Variants in SGCD observed in about 807,000 individuals in gnomAD.
The protein encoded by SGCD is delta-sarcoglycan.
Under a neutral mutation model 36.6 loss-of-function variants are expected in SGCD, and 18 were observed. The ratio of observed to expected loss-of-function variants is 0.49; its 90% CI spans 0.34 to 0.73. SGCD has a LOEUF of 0.73. Ranked by LOEUF, SGCD falls within the 30% of genes least tolerant of loss-of-function variation. The pLI is 0.01. For missense variants in SGCD, 387 were observed against 346.7 expected (o/e 1.12, Z -0.92); for synonymous variants, 133 against 130.6 (o/e 1.02, Z -0.12).
intron 3 of SGCD, among the ~76,000 whole-genome samples, chr5:156,134,715 G>T (rs1762414353): frequency 7.3e-6 from 1 of 136,758 alleles, no homozygotes; most frequent in Non-Finnish European, 1.6e-5. Flanking sequence ...GGAGGGGGGA[G>T]GGATAGCATT....
the SGCD span, among the ~76,000 whole-genome samples, chr5:155,736,225 A>T: frequency 6.6e-6 from 1 of 152,198 alleles, no homozygotes. Flanking sequence ...CTTTGAAAAC[A>T]TTATAATCAG....
chr5:156,177,753 G>A (rs984416712), intron 3 of SGCD, among the ~76,000 whole-genome samples: 1 of 152,124 alleles, frequency 6.6e-6, no homozygotes, highest in Non-Finnish European at 1.5e-5. Context: ...CAGTCTCCCA[G>A]TCCTACAAAA....
chr5:156,252,252 T>A (rs576923653), intron 3 of SGCD, among the ~76,000 whole-genome samples: 1 of 152,178 alleles, frequency 6.6e-6, no homozygotes, highest in East Asian at 1.9e-4. Flanking sequence ...TAATTTTGTA[T>A]TTTTAGTAGA....
At chr5:156,384,429 T>A (rs1771164427) in intron 3 of SGCD, among the ~76,000 whole-genome samples, 1 of 152,212 alleles carries the variant, frequency 6.6e-6, no homozygotes, top group South Asian at 2.1e-4. Context: ...TAATGTGATT[T>A]CTTGGTGACT....
chr5:156,701,810 T>C (rs998031223), intron 7 of SGCD, among the ~76,000 whole-genome samples: 11 of 152,290 alleles, frequency 7.2e-5, no homozygotes, highest in African/African-American at 2.6e-4. Context: ...ATAACCAATA[T>C]TATAATGTAT....
rs149786541 is a variant in SGCD, at chr5:156,508,774, A to G, written c.294+72A>G. ...TAAATCTGGAGGAATTGATCTTGCTATCAGCTGAGTACAGAGAATTGGGGT... is the reference window on the plus strand; with the variant it reads ...TAAATCTGGAGGAATTGATCTTGCTGTCAGCTGAGTACAGAGAATTGGGGT... On this transcript the variant is annotated intron_variant, in intron 4 of 8. Transcript: ENST00000337851. The G allele has an allele frequency of 2.3e-4, 205 of 887,166 alleles. 1 individual carries two copies. In the African/African-American group the frequency reaches 3.2e-3, roughly 14 times the overall value. The allele number at this position is 887,166 out of a possible 1,614,324, so 55.0% of individuals were successfully genotyped here.
intron 3 of SGCD, among the ~76,000 whole-genome samples, chr5:156,162,423 C>A (rs932245025): frequency 6.6e-6 from 1 of 151,438 alleles, no homozygotes; most frequent in Non-Finnish European, 1.5e-5. Context: ...GGAGGTTGTT[C>A]TGCAGTGTGG....
chr5:156,304,581 A>G (rs531404837), intron 3 of SGCD, among the ~76,000 whole-genome samples: 3 of 152,288 alleles, frequency 2.0e-5, no homozygotes, highest in Admixed American at 1.3e-4. Flanking sequence ...GCAGTATGAA[A>G]ATGGACTAAT....
chr5:155,771,612 A>G, the SGCD span, among the ~76,000 whole-genome samples: 2 of 151,860 alleles, frequency 1.3e-5, no homozygotes, highest in Non-Finnish European at 2.9e-5. Flanking sequence ...TTTAGTAGAG[A>G]TGGGGTTTCA....
chr5:156,268,930 T>C (rs1023677992), intron 3 of SGCD, among the ~76,000 whole-genome samples: 1 of 151,358 alleles, frequency 6.6e-6, no homozygotes, highest in Non-Finnish European at 1.5e-5. Context: ...GATGTTGAGC[T>C]TTTTTTTTCG....
chr5:156,354,164 A>T (rs1046866269), intron 3 of SGCD, among the ~76,000 whole-genome samples: 9 of 152,242 alleles, frequency 5.9e-5, no homozygotes, highest in African/African-American at 2.2e-4. Flanking sequence ...TTAAAGAAGT[A>T]TGAAAGTTGC....
At chr5:156,240,860 G>A (rs1765288968) in intron 3 of SGCD, among the ~76,000 whole-genome samples, 1 of 152,060 alleles carries the variant, frequency 6.6e-6, no homozygotes, top group African/African-American at 2.4e-5. Flanking sequence ...AGAAAACACT[G>A]GCTCTTCACT....
intron 3 of SGCD, among the ~76,000 whole-genome samples, chr5:156,200,230 G>C (rs1015515209): frequency 4.6e-5 from 7 of 151,968 alleles, no homozygotes; most frequent in African/African-American, 1.7e-4. Flanking sequence ...AAAAAGAACA[G>C]AGGTAGAGGA....
chr5:156,233,439 G>T (rs1470646382), intron 3 of SGCD, among the ~76,000 whole-genome samples: 4 of 152,188 alleles, frequency 2.6e-5, no homozygotes, highest in Admixed American at 1.3e-4. Flanking sequence ...GAACAAGGTG[G>T]TATTCTAGAG....
rs138563094 is a variant in SGCD, at chr5:156,744,301, T to G, written c.576-13280T>G. On this transcript the variant is annotated intron_variant, in intron 7 of 8. Coordinates refer to ENST00000337851, the MANE Select transcript of SGCD (RefSeq NM_000337.6). ...GGTGAGAATGCAGCATCTGCCATAC[T>G]CTTTTTGTGCTGGAAAATCAGTGCA... Among the ~76,000 whole-genome samples the G allele has an allele frequency of 4.7e-3, 709 of 152,346 alleles. 2 individuals are homozygous for G. Among genetic ancestry groups the G allele is most frequent in the African/African-American group, 0.016 (670 of 41,576 alleles).
intron 3 of SGCD, among the ~76,000 whole-genome samples, chr5:156,187,292 T>TCC (rs1763785271): frequency 6.6e-6 from 1 of 151,978 alleles, no homozygotes; most frequent in African/African-American, 2.4e-5. Context: ...TTCAATAGGA[T>TCC]AATGGGAAAT....
chr5:155,936,754 G>C (rs1472917562), intron 1 of SGCD, among the ~76,000 whole-genome samples: 1 of 152,196 alleles, frequency 6.6e-6, no homozygotes, highest in Non-Finnish European at 1.5e-5. Context: ...TTTTACCCAG[G>C]AGCCTGTCTG....
chr5:156,358,987 C>T (rs1769634557), intron 3 of SGCD, among the ~76,000 whole-genome samples: 1 of 151,954 alleles, frequency 6.6e-6, no homozygotes, highest in African/African-American at 2.4e-5. Context: ...ACTTATGTAA[C>T]ACTTGTGGGA....
the SGCD span, among the ~76,000 whole-genome samples, chr5:155,743,937 G>T: frequency 6.6e-6 from 1 of 152,204 alleles, no homozygotes; most frequent in Non-Finnish European, 1.5e-5. Flanking sequence ...AGAGGACCAA[G>T]TGTCCCTTGG....
Sources: allele counts gnomAD v4.1 joint callset (sites outside exome capture counted in the v4.1 genomes callset), GRCh38; gene constraint gnomAD v4.1.1; transcripts MANE v1.5; gene names NCBI Gene and HGNC (gene_info 2026-07-23, HGNC 2026-07-21).